Variants in GLRA1 observed in about 807,000 individuals in gnomAD.
GLRA1 encodes the protein glycine receptor alpha 1.
GLRA1 carries 37 observed loss-of-function variants against 48.3 expected under a neutral mutation model. That is an observed-to-expected ratio of 0.77 (90% CI 0.59 to 1.01). The LOEUF (loss-of-function observed/expected upper bound fraction) is 1.01, where lower values mean the gene tolerates loss of function less well. GLRA1 is among the 50% of genes least tolerant of loss of function. GLRA1 has a pLI of 0.00. For missense variants in GLRA1, 427 were observed against 571.0 expected (o/e 0.75, Z 2.57); for synonymous variants, 196 against 210.7 (o/e 0.93, Z 0.60).
chr5:151,850,950 A>G (rs1411401221), intron 7 of GLRA1, among the ~76,000 whole-genome samples: 2 of 152,190 alleles, frequency 1.3e-5, no homozygotes, highest in African/African-American at 4.8e-5. Flanking sequence ...CTTAGCTGCA[A>G]ATACAACTTT....
intron 1 of GLRA1, among the ~76,000 whole-genome samples, chr5:151,905,026 G>T (rs1008656923): frequency 6.6e-6 from 1 of 152,128 alleles, no homozygotes; most frequent in African/African-American, 2.4e-5. Flanking sequence ...TGGCATTTCA[G>T]TCAATAGGAT....
intron 7 of GLRA1, among the ~76,000 whole-genome samples, chr5:151,839,113 A>G (rs1763648135): frequency 6.6e-6 from 1 of 152,268 alleles, no homozygotes; most frequent in Non-Finnish European, 1.5e-5. Context: ...ACATTTTCAA[A>G]GTGCTGAAAG....
intron 4 of GLRA1, among the ~76,000 whole-genome samples, chr5:151,859,496 T>C (rs1753137666): frequency 6.6e-6 from 1 of 152,204 alleles, no homozygotes; most frequent in African/African-American, 2.4e-5. Flanking sequence ...CTCTTTCCTA[T>C]CTTGTTTGAT....
intron 3 of GLRA1, among the ~76,000 whole-genome samples, chr5:151,861,099 G>A (rs567259841): frequency 6.6e-6 from 1 of 152,142 alleles, no homozygotes; most frequent in Admixed American, 6.5e-5. Context: ...GTGTATATGT[G>A]CCACATTTTC....
chr5:151,844,621 C>CAAAAAA (rs202218874), intron 7 of GLRA1, among the ~76,000 whole-genome samples: 747 of 47,958 alleles, frequency 0.016, 22 homozygotes, highest in African/African-American at 0.026. Context: ...TACTCTATCT[C>CAAAAAA]AAAAAAAAAA....
At chr5:151,832,968 A>G (rs189271263) in intron 7 of GLRA1, among the ~76,000 whole-genome samples, 2 of 152,242 alleles carry the variant, frequency 1.3e-5, no homozygotes, top group Non-Finnish European at 1.5e-5. Flanking sequence ...AAACCCTACA[A>G]GCCAGAAGAG....
intron 3 of GLRA1, among the ~76,000 whole-genome samples, chr5:151,869,357 G>C (rs1291465049): frequency 2.0e-5 from 3 of 151,708 alleles, no homozygotes; most frequent in Non-Finnish European, 4.4e-5. Flanking sequence ...ACCCGCCTTG[G>C]CGTACAAAAG....
intron 7 of GLRA1, chr5:151,850,887 G>A: frequency 1.7e-6 from 1 of 596,712 alleles, no homozygotes. Flanking sequence ...GCAACTCAAA[G>A]GGTGGAATAT....
chr5:151,922,703 T>G (rs914294443), intron 1 of GLRA1, among the ~76,000 whole-genome samples: 3 of 152,262 alleles, frequency 2.0e-5, no homozygotes, highest in African/African-American at 7.2e-5. Context: ...ATTCATAACC[T>G]TATCAAAATG....
intron 4 of GLRA1, among the ~76,000 whole-genome samples, chr5:151,858,170 AG>A (rs1397928993): frequency 6.6e-6 from 1 of 152,172 alleles, no homozygotes; most frequent in African/African-American, 2.4e-5. Flanking sequence ...TCCTTCCTCC[AG>A]CTCACACCCA....
intron 6 of GLRA1, among the ~76,000 whole-genome samples, chr5:151,853,878 G>C (rs1407650345): frequency 6.6e-6 from 1 of 152,090 alleles, no homozygotes; most frequent in Non-Finnish European, 1.5e-5. Context: ...AGATCTTAAA[G>C]TGTTCTTACT....
chr5:151,850,768 A>G (rs2113342222), intron 7 of GLRA1: 4 of 1,004,276 alleles, frequency 4.0e-6, no homozygotes, highest in Non-Finnish European at 6.4e-6. Flanking sequence ...TGAAACCGGC[A>G]ATGAGCCCTT....
At chr5:151,892,992 T>C (rs533799769) in intron 1 of GLRA1, among the ~76,000 whole-genome samples, 1 of 152,352 alleles carries the variant, frequency 6.6e-6, no homozygotes, top group East Asian at 1.9e-4. Context: ...CAAGCTTATA[T>C]GCTTGTACTT....
chr5:151,823,823 T>G (rs1763205589), intron 8 of GLRA1, among the ~76,000 whole-genome samples: 1 of 152,084 alleles, frequency 6.6e-6, no homozygotes, highest in African/African-American at 2.4e-5. Context: ...GCCCTGATCC[T>G]TCTAGTTCAT....
At chr5:151,882,841 A>T (rs1319932863) in intron 3 of GLRA1, among the ~76,000 whole-genome samples, 2 of 152,206 alleles carry the variant, frequency 1.3e-5, no homozygotes, top group African/African-American at 2.4e-5. Flanking sequence ...ATAGTACATA[A>T]GTCTTCATTT....
intron 6 of GLRA1, 108 bp downstream of exon 6, chr5:151,854,932 A>G (rs1214926103): frequency 3.2e-6 from 4 of 1,240,600 alleles, no homozygotes; most frequent in Admixed American, 3.4e-5. Context: ...TCTCTTAACC[A>G]CTAGGTAATC....
At position 151,822,577 on chromosome 5, in the gene GLRA1, C is replaced by T; in HGVS notation, c.*96G>A. The T allele has an allele frequency of 1.2e-6, 1 of 855,712 alleles. No homozygotes were observed. Among genetic ancestry groups the T allele is most frequent in the Non-Finnish European group, 2.0e-6 (1 of 498,070 alleles). The allele number at this position is 855,712 out of a possible 1,614,324, so 53.0% of individuals were successfully genotyped here. A position where few individuals can be genotyped will look rare whatever the true frequency, so the allele number is the denominator to read the frequency against. On this transcript the variant is annotated 3_prime_UTR_variant, in exon 9 of 9. Coordinates refer to ENST00000274576, the MANE Select transcript of GLRA1 (RefSeq NM_000171.4). ...TGCAGAGAGAGTTGTGTAAGTGTGC[C>T]CCCTCCCTCCGTTCCCCTTCTCTTC...
intron 3 of GLRA1, among the ~76,000 whole-genome samples, chr5:151,864,139 A>ATGTGTGTG (rs5872230): frequency 5.1e-4 from 77 of 150,230 alleles, no homozygotes; most frequent in African/African-American, 1.4e-3. Context: ...TGAAGTGTGC[A>ATGTGTGTG]TGTGTGTGTG....
intron 7 of GLRA1, among the ~76,000 whole-genome samples, chr5:151,834,122 G>C (rs939637567): frequency 5.9e-5 from 9 of 151,972 alleles, no homozygotes; most frequent in Admixed American, 5.9e-4. Context: ...TGGACCAAGC[G>C]GACCTAATAG....
Sources: gnomAD v4.1 joint callset for allele counts (sites outside exome capture counted in the v4.1 genomes callset) on GRCh38, gnomAD v4.1.1 for gene constraint, MANE v1.5 for transcripts, NCBI Gene and HGNC (gene_info 2026-07-23, HGNC 2026-07-21) for gene names.